USP31: variants seen among roughly 807,000 people sequenced by gnomAD.
The protein encoded by USP31 is ubiquitin carboxyl-terminal hydrolase 31.
Under a neutral mutation model 119.4 loss-of-function variants are expected in USP31, and 44 were observed. The observed-to-expected ratio is 0.37, with a 90% CI of 0.29 to 0.47. The LOEUF is 0.47. USP31 is among the 20% of genes least tolerant of loss of function. The probability of loss-of-function intolerance (pLI) is 0.99; values close to 1 mark genes in which losing one functional copy is unlikely to be tolerated. For synonymous variants in USP31, 749 were observed against 705.6 expected, an observed-to-expected ratio of 1.06 and a Z score of -0.97; for missense variants, 1,643 against 1,730.2, an observed-to-expected ratio of 0.95 and a Z score of 0.89.
intron 1 of USP31, among the ~76,000 whole-genome samples, chr16:23,137,768 G>T (rs78556801): frequency 0.28 from 41,298 of 150,160 alleles, 6,066 homozygotes; most frequent in Admixed American, 0.35. Flanking sequence ...TTATTAACAC[G>T]ATTCATGTTC....
At chr16:23,139,937 C>T (rs758439593) in intron 1 of USP31, among the ~76,000 whole-genome samples, 4 of 152,146 alleles carry the variant, frequency 2.6e-5, no homozygotes, top group Admixed American at 6.5e-5. Flanking sequence ...TTTACCACTA[C>T]GCCTCTTGTA....
At chr16:23,093,197 C>T (rs935531546) in intron 6 of USP31, among the ~76,000 whole-genome samples, 4 of 152,104 alleles carry the variant, frequency 2.6e-5, no homozygotes, top group Admixed American at 6.5e-5. Context: ...AAATGAAGAA[C>T]TTTTGTACGT....
chr16:23,105,044 A>G (rs532135171), intron 5 of USP31, among the ~76,000 whole-genome samples: 2 of 152,192 alleles, frequency 1.3e-5, no homozygotes, highest in Non-Finnish European at 2.9e-5. Flanking sequence ...CACTCTTATC[A>G]TCACAATGGG....
intron 1 of USP31, among the ~76,000 whole-genome samples, chr16:23,140,469 C>T (rs1167003057): frequency 6.6e-6 from 1 of 152,132 alleles, no homozygotes; most frequent in African/African-American, 2.4e-5. Flanking sequence ...GTGCCAAGGC[C>T]GAGAATCTGC....
chr16:23,079,896 C>A, intron 13 of USP31, 50 bp downstream of exon 13: 1 of 1,482,158 alleles, frequency 6.7e-7, no homozygotes. Context: ...ACAAGCAAAC[C>A]CGTCTGAAGG....
intron 4 of USP31, 102 bp downstream of exon 4, chr16:23,106,111 C>T (rs1025459758): frequency 3.2e-6 from 4 of 1,253,532 alleles, no homozygotes; most frequent in East Asian, 2.3e-5. Context: ...ATTATTAATC[C>T]CATTACCTGT....
intron 1 of USP31, among the ~76,000 whole-genome samples, chr16:23,109,224 C>T (rs963595738): frequency 2.0e-5 from 3 of 152,202 alleles, no homozygotes; most frequent in African/African-American, 4.8e-5. Flanking sequence ...CCAGTAACAA[C>T]GTGCACATCC....
intron 1 of USP31, among the ~76,000 whole-genome samples, chr16:23,122,411 C>T (rs138858868): frequency 3.9e-5 from 6 of 152,254 alleles, no homozygotes; most frequent in South Asian, 2.1e-4. Flanking sequence ...GACGGCTCCT[C>T]AAACAATTAA....
rs759648088 is a variant in USP31 at position 23,068,985 on chromosome 16, C to G, written c.3120G>C (p.Arg1040=). The G allele has an allele frequency of 1.9e-6, 3 of 1,614,146 alleles. No individual in the cohort carries two copies. In the South Asian group the frequency reaches 3.3e-5, roughly 18 times the overall value. Residue 1040 remains arginine, a synonymous_variant, in exon 16 of 16, where the codon CGG becomes CGC. Coordinates refer to ENST00000219689, the MANE Select transcript of USP31 (RefSeq NM_020718.4). ...GGCTTGCCAAGGCTGGTCTCCCCTT[C>G]CGCAAGCTTTTCTCTGGCTCAGAAG... ...KGTSEPEKSL[R]KGRPALASQE...
chr16:23,090,202 T>C (rs981034594), intron 7 of USP31, among the ~76,000 whole-genome samples: 5 of 152,118 alleles, frequency 3.3e-5, no homozygotes, highest in Admixed American at 2.0e-4. Flanking sequence ...CTGACCAACA[T>C]GGTGAAACCT....
chr16:23,069,430 G>A lies in USP31; in HGVS notation c.2675C>T (p.Ser892Phe). The change falls in exon 16 of 16, where the codon TCT (serine) becomes TTT (phenylalanine). Residue 892 changes from serine (S) to phenylalanine (F), a missense_variant. Around this residue, in one of 5 missense-constraint regions of USP31, gnomAD observed 699 missense variants for 650.9 expected, o/e 1.07. Transcript: ENST00000219689. The stretch of plus-strand genomic sequence containing the variant: ...CCCAATCTTCTCCAAGGTGGAAGCA[G>A]AGCTGTGAATTGGCGAATCCCCTGA... ...RFSGDSPIHS[S>F]ASTLEKIGEA... 3 of 1,614,200 alleles carry A rather than the reference G, an allele frequency of 1.9e-6. No homozygotes were observed. The highest frequency in any genetic ancestry group is 1.1e-5 in the South Asian group (1 of 91,090).
In USP31 at chr16:23,149,332, C is replaced by A; in HGVS notation, c.-62G>T. Reference sequence around the variant, plus strand: ...GCCCGGCCCGCGGCCCCGCCACGGCCGCCGCCGCATCCCGCAGCGCCGCGC... The same window carrying A: ...GCCCGGCCCGCGGCCCCGCCACGGCAGCCGCCGCATCCCGCAGCGCCGCGC... On this transcript the variant is annotated 5_prime_UTR_variant, in exon 1 of 16. Transcript: ENST00000219689. 9.9e-7 allele frequency: 1 copy of A among 1,007,116 alleles called. No individual in the cohort carries two copies. The highest frequency in any genetic ancestry group is 1.2e-6 in the Non-Finnish European group (1 of 846,002). The allele number at this position is 1,007,116 out of a possible 1,614,324, so 62.4% of individuals were successfully genotyped here.
At chr16:23,077,521 C>G (rs1310969669) in intron 13 of USP31, among the ~76,000 whole-genome samples, 1 of 152,142 alleles carries the variant, frequency 6.6e-6, no homozygotes, top group Admixed American at 6.5e-5. Context: ...CGGCTAAATA[C>G]TAGAGAAAAG....
chr16:23,109,841 CA>C (rs60568760), intron 1 of USP31, among the ~76,000 whole-genome samples: 41,782 of 110,070 alleles, frequency 0.38, 7,170 homozygotes, highest in African/African-American at 0.55. Context: ...GACATTCTAC[CA>C]AAAAAAAAAA....
At chr16:23,103,706 G>C (rs1343335360) in intron 5 of USP31, among the ~76,000 whole-genome samples, 2 of 152,198 alleles carry the variant, frequency 1.3e-5, no homozygotes, top group Non-Finnish European at 2.9e-5. Context: ...CTTGAGGCCA[G>C]GAGTTCAAGA....
At chr16:23,091,346 A>G (rs2141853700) in intron 6 of USP31, among the ~76,000 whole-genome samples, 1 of 152,328 alleles carries the variant, frequency 6.6e-6, no homozygotes, top group African/African-American at 2.4e-5. Context: ...ACAAAAATAT[A>G]TATTTGACAG....
rs1484553418 is a variant in USP31, at chr16:23,126,641, GAAAT to G, written c.634-18462_634-18459del. ...GACTCTGTCTCAAAAAAAAAAAAAA[GAAAT>G]AAAAAAGGGACTCAGAGAAGTAAAG... On this transcript the variant is annotated intron_variant, in intron 1 of 15. Coordinates refer to ENST00000219689, the MANE Select transcript of USP31 (RefSeq NM_020718.4). Among the ~76,000 whole-genome samples the G allele has an allele frequency of 7.3e-4, 104 of 142,246 alleles. 1 individual carries two copies. The highest frequency in any genetic ancestry group is 1.4e-3 in the Non-Finnish European group (89 of 63,136). 93.3% of individuals were successfully genotyped at this position (142,246 alleles called of 152,430 possible).
In USP31 at chr16:23,066,230, T is replaced by G. The variant is rs1234575199; in HGVS notation, c.*1816A>C. The G allele has an allele frequency of 1.3e-5, 2 of 152,616 alleles. No individual in the cohort carries two copies. Among genetic ancestry groups the G allele is most frequent in the Admixed American group, 6.5e-5 (1 of 15,286 alleles). The allele number at this position is 152,616 out of a possible 1,614,324, so 9.5% of individuals were successfully genotyped here. ...ACAGTCAATGAATCACATGGAGCAC[T>G]GTGGTAACTTTCACAAGGCTAAATG... On this transcript the variant is annotated 3_prime_UTR_variant, in exon 16 of 16. Transcript: ENST00000219689.
chr16:23,147,993 T>C (rs1191959964), intron 1 of USP31, among the ~76,000 whole-genome samples: 1 of 152,208 alleles, frequency 6.6e-6, no homozygotes, highest in East Asian at 1.9e-4. Flanking sequence ...CAGGTTTTTC[T>C]TTCTTCAAAC....
Sources: gnomAD v4.1 joint callset for allele counts (sites outside exome capture counted in the v4.1 genomes callset) on GRCh38, gnomAD v4.1.1 for gene constraint, gnomAD v4.1.1 regional missense constraint, MANE v1.5 for transcripts, NCBI Gene and HGNC (gene_info 2026-07-23, HGNC 2026-07-21) for gene names.